Variants in FAM163A observed in about 807,000 individuals in gnomAD.
The protein encoded by FAM163A is family with sequence similarity 163 member A.
Under a neutral mutation model 12.0 loss-of-function variants are expected in FAM163A, and 7 were observed. The observed-to-expected ratio is 0.58, with a 90% CI of 0.33 to 1.10. The LOEUF is 1.10. Among genes scored for constraint, FAM163A ranks in the 50% least tolerant of loss-of-function variants. The probability of loss-of-function intolerance (pLI) is 0.03; values close to 1 mark genes in which losing one functional copy is unlikely to be tolerated. For missense variants in FAM163A, 202 were observed against 218.6 expected (o/e 0.92, Z 0.48); for synonymous variants, 101 against 91.0 (o/e 1.11, Z -0.62).
intron 1 of FAM163A, among the ~76,000 whole-genome samples, chr1:179,796,448 T>C (rs1360141586): frequency 6.6e-6 from 1 of 152,190 alleles, no homozygotes; most frequent in African/African-American, 2.4e-5. Flanking sequence ...AAATTCCAAA[T>C]GGAGGAATTT....
rs71571230 is a variant in FAM163A, at chr1:179,799,116, C to CAAGTGAAACAAGTGTTTCACTGCTGAAAG, written c.-135-8669_-135-8641dup. Among the ~76,000 whole-genome samples the CAAGTGAAACAAGTGTTTCACTGCTGAAAG allele has an allele frequency of 2.2e-3, 336 of 149,564 alleles. 1 individual carries two copies. The highest frequency in any genetic ancestry group is 4.1e-3 in the Non-Finnish European group (278 of 68,014). On this transcript the variant is annotated intron_variant, in intron 1 of 4. Transcript: ENST00000341785. ...TCCAGTCTGCTGGAAGAAAGTGAAA[C>CAAGTGAAACAAGTGTTTCACTGCTGAAAG]AAGTGAAACAAGTGTTTCACTGCTG...
chr1:179,756,275 TGAG>T (rs1686008351), intron 1 of FAM163A, among the ~76,000 whole-genome samples: 1 of 152,072 alleles, frequency 6.6e-6, no homozygotes, highest in Non-Finnish European at 1.5e-5. Context: ...CAAGAGGTAA[TGAG>T]GAGCCAAATG....
chr1:179,776,223 G>A (rs1688943326), intron 1 of FAM163A, among the ~76,000 whole-genome samples: 1 of 152,146 alleles, frequency 6.6e-6, no homozygotes, highest in Non-Finnish European at 1.5e-5. Flanking sequence ...GCCAGGTGCA[G>A]TGGCTCACAC....
the FAM163A span, among the ~76,000 whole-genome samples, chr1:179,728,500 T>C: frequency 2.0e-5 from 3 of 152,166 alleles, no homozygotes; most frequent in Admixed American, 6.5e-5. Context: ...CTCCTTTTTC[T>C]CTCTGCAGCT....
At chr1:179,776,168 T>A (rs532158495) in intron 1 of FAM163A, among the ~76,000 whole-genome samples, 3 of 152,152 alleles carry the variant, frequency 2.0e-5, no homozygotes, top group Admixed American at 2.0e-4. Flanking sequence ...ATAAGAGCAG[T>A]GTAAATCGTG....
At chr1:179,735,492 A>ATTTTTTTTT in the FAM163A span, among the ~76,000 whole-genome samples, 1 of 58,408 alleles carries the variant, frequency 1.7e-5, no homozygotes, top group African/African-American at 7.0e-5. Context: ...AAGGAGTTAC[A>ATTTTTTTTT]TTCTTTTTTT....
Position 179,814,981 on chromosome 1 carries a change from C to T in FAM163A, c.*792C>T, listed in dbSNP as rs2148396114. The T allele has an allele frequency of 6.6e-6, 1 of 152,314 alleles. No homozygotes were observed. Among genetic ancestry groups the T allele is most frequent in the Admixed American group, 6.5e-5 (1 of 15,304 alleles). 9.4% of individuals were successfully genotyped at this position (152,314 alleles called of 1,614,324 possible). On this transcript the variant is annotated 3_prime_UTR_variant, in exon 5 of 5. Transcript: ENST00000341785. ...GTTTTTTCATTTTGTTAGCCGACTTCTGGTAGCTTAGCAAAGAGACCAGCT... is the reference window on the plus strand; with the variant it reads ...GTTTTTTCATTTTGTTAGCCGACTTTTGGTAGCTTAGCAAAGAGACCAGCT...
At chr1:179,809,244 C>T (rs1312554036) in intron 2 of FAM163A, among the ~76,000 whole-genome samples, 2 of 152,094 alleles carry the variant, frequency 1.3e-5, no homozygotes, top group Admixed American at 6.5e-5. Context: ...CACAACATGT[C>T]GAGGCCCCCC....
At chr1:179,810,730 T>C (rs919183014) in intron 2 of FAM163A, among the ~76,000 whole-genome samples, 3 of 152,130 alleles carry the variant, frequency 2.0e-5, no homozygotes, top group South Asian at 2.1e-4. Flanking sequence ...TTTTCATCAC[T>C]AGGCAATAAG....
the FAM163A span, among the ~76,000 whole-genome samples, chr1:179,736,010 C>G: frequency 6.6e-6 from 1 of 152,140 alleles, no homozygotes; most frequent in Non-Finnish European, 1.5e-5. Flanking sequence ...TTATCTTACA[C>G]CATACACAAA....
the FAM163A span, among the ~76,000 whole-genome samples, chr1:179,728,518 C>T: frequency 6.6e-6 from 1 of 152,168 alleles, no homozygotes; most frequent in Non-Finnish European, 1.5e-5. Context: ...GCTCCTGTTG[C>T]AGCTTCATTT....
the FAM163A span, among the ~76,000 whole-genome samples, chr1:179,731,903 G>GTTCTATTCTATTCAGATA: frequency 6.6e-6 from 1 of 152,186 alleles, no homozygotes; most frequent in Non-Finnish European, 1.5e-5. Flanking sequence ...CAACAACCAA[G>GTTCTATTCTATTCAGATA]TTCTAGGTCT....
chr1:179,765,891 T>C (rs900808472), intron 1 of FAM163A, among the ~76,000 whole-genome samples: 1 of 152,054 alleles, frequency 6.6e-6, no homozygotes, highest in Non-Finnish European at 1.5e-5. Flanking sequence ...TCCCCAAAGC[T>C]GGGCCTCCAG....
intron 1 of FAM163A, among the ~76,000 whole-genome samples, chr1:179,802,240 T>C (rs1330062810): frequency 6.6e-6 from 1 of 152,276 alleles, no homozygotes; most frequent in East Asian, 1.9e-4. Flanking sequence ...TTTTGGTATG[T>C]GTTCTTGAAC....
intron 1 of FAM163A, among the ~76,000 whole-genome samples, chr1:179,769,257 T>C (rs1687931103): frequency 6.6e-6 from 1 of 152,120 alleles, no homozygotes; most frequent in South Asian, 2.1e-4. Flanking sequence ...ATGATTCTCC[T>C]ACCATAGCCT....
At chr1:179,755,974 TA>T (rs1193690906) in intron 1 of FAM163A, among the ~76,000 whole-genome samples, 1 of 152,226 alleles carries the variant, frequency 6.6e-6, no homozygotes, top group Non-Finnish European at 1.5e-5. Flanking sequence ...CAGCACCCTT[TA>T]CCCCAGGTGC....
Position 179,753,812 on chromosome 1 carries a change from G to A in FAM163A, c.-136+10389G>A, listed in dbSNP as rs1032252600. Among the ~76,000 whole-genome samples, 14 of 152,192 alleles carry A rather than the reference G, an allele frequency of 9.2e-5. 1 individual carries two copies. The highest frequency in any genetic ancestry group is 4.6e-4 in the Admixed American group (7 of 15,286). On this transcript the variant is annotated intron_variant, in intron 1 of 4. Coordinates refer to ENST00000341785, the MANE Select transcript of FAM163A (RefSeq NM_173509.3). ...AAGACTCGGTGAAGAGAGAAAGGGT[G>A]AGGACAGTAGAGAAAGATGATAATA...
chr1:179,809,249 C>A (rs1416777079), intron 2 of FAM163A, among the ~76,000 whole-genome samples: 1 of 152,116 alleles, frequency 6.6e-6, no homozygotes, highest in African/African-American at 2.4e-5. Context: ...CATGTCGAGG[C>A]CCCCCAAAAC....
intron 1 of FAM163A, among the ~76,000 whole-genome samples, chr1:179,806,443 A>C (rs1266110600): frequency 6.6e-6 from 1 of 152,114 alleles, no homozygotes; most frequent in Non-Finnish European, 1.5e-5. Flanking sequence ...ATACGGGGAC[A>C]GGGCTGTTCT....
Sources: gnomAD v4.1 joint callset for allele counts (sites outside exome capture counted in the v4.1 genomes callset) on GRCh38, gnomAD v4.1.1 for gene constraint, MANE v1.5 for transcripts, NCBI Gene and HGNC (gene_info 2026-07-23, HGNC 2026-07-21) for gene names.